The following SFI1 variants were observed in gnomAD, a reference collection of about 807,000 sequenced individuals.
The protein encoded by SFI1 is protein SFI1 homolog.
In SFI1, 195 loss-of-function variants were observed where a neutral mutation model predicts 207.5. The observed-to-expected ratio is 0.94, with a 90% CI of 0.84 to 1.06. The LOEUF (loss-of-function observed/expected upper bound fraction) is 1.06, where lower values mean the gene tolerates loss of function less well. Ranked by LOEUF, SFI1 falls within the 50% of genes least tolerant of loss-of-function variation. The pLI, the probability that SFI1 is intolerant of heterozygous loss-of-function variation, is 0.00. For synonymous variants in SFI1, 630 were observed against 598.9 expected (o/e 1.05, Z -0.76); for missense variants, 1,634 against 1,588.0 (o/e 1.03, Z -0.49).
At chr22:31,591,239 C>T (rs1355360542) in intron 15 of SFI1, among the ~76,000 whole-genome samples, 9 of 152,164 alleles carry the variant, frequency 5.9e-5, no homozygotes, top group Admixed American at 2.0e-4. Flanking sequence ...ATCCATTTAA[C>T]TCTGAGTGGA....
At position 31,575,128 on chromosome 22, in the gene SFI1, G is replaced by A. The variant is rs1031001626; in HGVS notation, c.923-103G>A. 3 of 774,480 alleles carry A rather than the reference G, an allele frequency of 3.9e-6. No individual in the cohort carries two copies. The Admixed American group carries it at 8.5e-5, about 22-fold the overall frequency. 48.0% of individuals were successfully genotyped at this position (774,480 alleles called of 1,614,324 possible). A position where few individuals can be genotyped will look rare whatever the true frequency, so the allele number is the denominator to read the frequency against. ...TGTGTGTGTGTGTGTGTGTGGCCTT[G>A]AACCCCTGCTCTCTGCCAGTAGTGG... is the stretch of plus-strand genomic sequence containing the variant. On this transcript the variant is annotated intron_variant, in intron 9 of 32. Transcript: ENST00000400288.
Position 31,589,543 on chromosome 22 carries a change from A to G in SFI1, c.1510A>G (p.Asn504Asp), listed in dbSNP as rs2065535343. Residue 504 changes from asparagine (N) to aspartate (D), a missense_variant, in exon 15 of 33, where the codon AAT (asparagine) becomes GAT (aspartate). Asn to Asp is a conservative substitution (Grantham distance 23). Coordinates refer to ENST00000400288, the MANE Select transcript of SFI1 (RefSeq NM_001007467.3). ...NRLWRWRHQE[N>D]VLSARATRFH... ...ACTCTGGCGATGGCGCCACCAGGAA[A>G]ATGTCCTCAGTGCAAGAGCAACACG... is the stretch of plus-strand genomic sequence containing the variant. 1 of 1,613,924 alleles carries G rather than the reference A, an allele frequency of 6.2e-7. No individual in the cohort carries two copies. The highest frequency in any genetic ancestry group is 1.3e-5 in the African/African-American group (1 of 74,908).
chr22:31,559,923 G>C (rs770280496), intron 7 of SFI1: 80 of 584,432 alleles, frequency 1.4e-4, no homozygotes, highest in Non-Finnish European at 2.3e-4. Context: ...ACCATGGGCG[G>C]GTCCAAGAAG....
At chr22:31,501,851 C>T (rs2053831205) in intron 1 of SFI1, among the ~76,000 whole-genome samples, 1 of 152,140 alleles carries the variant, frequency 6.6e-6, no homozygotes. Context: ...TTGGCACATT[C>T]CTCATGCCTA....
Position 31,611,024 on chromosome 22 carries a change from G to A in SFI1, c.2255-119G>A, listed in dbSNP as rs568968128. On this transcript the variant is annotated intron_variant, in intron 22 of 32. Transcript: ENST00000400288. ...TCCATGTGTGGTAGTTTCACCATGT[G>A]GGCTGGACACCTGAACTCTATCCCT... The A allele has an allele frequency of 8.0e-5, 107 of 1,339,206 alleles. 2 individuals carry two copies. In the South Asian group the frequency reaches 1.3e-3, roughly 17 times the overall value. The allele number at this position is 1,339,206 out of a possible 1,614,324, so 83.0% of individuals were successfully genotyped here. A position where few individuals can be genotyped will look rare whatever the true frequency, so the allele number is the denominator to read the frequency against.
intron 15 of SFI1, among the ~76,000 whole-genome samples, chr22:31,600,361 T>C (rs1023354536): frequency 7.9e-5 from 12 of 152,324 alleles, no homozygotes; most frequent in Admixed American, 5.2e-4. Flanking sequence ...AGATGATCTT[T>C]TAGTGTTTTT....
chr22:31,522,064 C>CTTTTTTTTTTTT (rs752422385), intron 2 of SFI1, among the ~76,000 whole-genome samples: 1 of 76,362 alleles, frequency 1.3e-5, no homozygotes, highest in Non-Finnish European at 2.4e-5. Flanking sequence ...TACACCTGGC[C>CTTTTTTTTTTTT]TTTTTTTTTT....
At chr22:31,593,144 C>CT (rs1419771643) in intron 15 of SFI1, among the ~76,000 whole-genome samples, 2 of 148,696 alleles carry the variant, frequency 1.3e-5, no homozygotes, top group Non-Finnish European at 3.0e-5. Context: ...GACCCCCCCC[C>CT]ACCTCCTTCC....
chr22:31,500,296 A>T (rs2053520029), intron 1 of SFI1, among the ~76,000 whole-genome samples: 1 of 143,400 alleles, frequency 7.0e-6, no homozygotes, highest in African/African-American at 2.6e-5. Flanking sequence ...AAAAAAAAAA[A>T]GAAAAAATAA....
intron 3 of SFI1, chr22:31,530,686 G>T: frequency 2.1e-6 from 1 of 466,488 alleles, no homozygotes. Context: ...ACAGAGTGCT[G>T]AGAGTACACA....
At chr22:31,502,783 T>C (rs2054010776) in intron 1 of SFI1, among the ~76,000 whole-genome samples, 1 of 152,106 alleles carries the variant, frequency 6.6e-6, no homozygotes, top group South Asian at 2.1e-4. Flanking sequence ...TCTAAATGTT[T>C]TATGATTCTC....
intron 15 of SFI1, among the ~76,000 whole-genome samples, chr22:31,593,998 G>GGC (rs1569421785): frequency 2.8e-4 from 23 of 83,502 alleles, no homozygotes; most frequent in African/African-American, 6.7e-4. Flanking sequence ...GAGGGAGAGG[G>GGC]AGAGGGACAG....
chr22:31,616,853 G>C lies in SFI1; in HGVS notation c.3409G>C (p.Ala1137Pro), dbSNP rs772030914. 1 of 1,612,418 alleles carries C rather than the reference G, an allele frequency of 6.2e-7. No individual in the cohort carries two copies. Residue 1137 changes from alanine to proline, a missense_variant, in exon 30 of 33, where the codon GCT becomes CCT. Transcript: ENST00000400288. ...LLPGDFSATRAGPGLSTAGSL... is the reference protein window; with the variant it reads ...LLPGDFSATRPGPGLSTAGSL... ...TCCTGGGGACTTCTCAGCCACCAGG[G>C]CTGGGCCTGGACTTTCAACTGCAGG...
At chr22:31,616,669 G>A in intron 29 of SFI1, 76 bp from the exon 30 acceptor site, 1 of 1,468,178 alleles carries the variant, frequency 6.8e-7, no homozygotes, top group Non-Finnish European at 9.1e-7. Flanking sequence ...GGCAGGCAGT[G>A]ACAAGGACTT....
intron 2 of SFI1, among the ~76,000 whole-genome samples, chr22:31,523,241 T>C (rs568549250): frequency 6.6e-6 from 1 of 152,330 alleles, no homozygotes; most frequent in Admixed American, 6.5e-5. Flanking sequence ...GTAAATACAA[T>C]GATATTTTCT....
chr22:31,580,551 T>C (rs1208411985), intron 12 of SFI1, among the ~76,000 whole-genome samples, 187 bp downstream of exon 12: 2 of 148,210 alleles, frequency 1.3e-5, no homozygotes, highest in Admixed American at 6.7e-5. Flanking sequence ...TCTTTTTTTT[T>C]TTTTTTTTTT....
rs201822568 is a variant in SFI1 at position 31,604,923 on chromosome 22, C to T, written c.2032C>T (p.Gln678Ter). 1.5e-4 allele frequency: 247 copies of T among 1,610,794 alleles called. 4 individuals are homozygous for T. Among genetic ancestry groups the T allele is most frequent in the African/African-American group, 4.0e-5 (3 of 74,758 alleles). ...ILREVAARES[Q>*]HNRQLLRGAL... ...CCGGGAGGTGGCAGCCAGGGAGAGC[C>T]AGCACAACAGGCAGCTGCTGCGGTG... Residue 678 changes from glutamine (Q) to a stop codon, truncating the protein, a stop_gained, in exon 20 of 33, where the codon CAG becomes TAG. Transcript: ENST00000400288. LOFTEE classifies it high-confidence loss of function.
At chr22:31,530,199 A>AAAAAAAAAC in intron 3 of SFI1, among the ~76,000 whole-genome samples, 1 of 137,706 alleles carries the variant, frequency 7.3e-6, no homozygotes, top group Non-Finnish European at 1.6e-5. Context: ...AAAAAAAAAA[A>AAAAAAAAAC]AAAAGACAAG....
chr22:31,499,296 G>A (rs2053308782), intron 1 of SFI1, among the ~76,000 whole-genome samples: 1 of 152,140 alleles, frequency 6.6e-6, no homozygotes, highest in African/African-American at 2.4e-5. Flanking sequence ...CCGGGTTCAA[G>A]TGATTCTTCT....
Sources: allele counts gnomAD v4.1 joint callset (sites outside exome capture counted in the v4.1 genomes callset), GRCh38; gene constraint gnomAD v4.1.1; transcripts MANE v1.5; gene names NCBI Gene and HGNC (gene_info 2026-07-23, HGNC 2026-07-21).